EFHD1: variants seen among roughly 807,000 people sequenced by gnomAD.
EFHD1 encodes the protein EF-hand domain-containing protein D1.
EFHD1 carries 10 observed loss-of-function variants against 17.2 expected under a neutral mutation model. That is an observed-to-expected ratio of 0.58 (90% CI 0.36 to 0.99). The LOEUF is 0.99. Ranked by LOEUF, EFHD1 falls within the 50% of genes least tolerant of loss-of-function variation. EFHD1 has a pLI of 0.01. For synonymous variants in EFHD1, 153 were observed against 142.0 expected (o/e 1.08, Z -0.55); for missense variants, 310 against 327.5 (o/e 0.95, Z 0.41).
chr2:232,607,257 C>T (rs1212410002), intron 1 of EFHD1, among the ~76,000 whole-genome samples: 1 of 151,950 alleles, frequency 6.6e-6, no homozygotes. Flanking sequence ...GCCTGGGCAA[C>T]ATAGTGAGAT....
chr2:232,640,471 C>T (rs1245277789), intron 1 of EFHD1, among the ~76,000 whole-genome samples: 3 of 152,148 alleles, frequency 2.0e-5, no homozygotes, highest in Non-Finnish European at 2.9e-5. Context: ...ATGATGATGA[C>T]GATGATCACC....
At chr2:232,642,791 C>T (rs767947479) in intron 1 of EFHD1, among the ~76,000 whole-genome samples, 40 of 151,800 alleles carry the variant, frequency 2.6e-4, no homozygotes, top group Non-Finnish European at 5.7e-4. Context: ...TCCCGAGAGT[C>T]ACCTCCAGCT....
chr2:232,632,455 A>G (rs899535587), upstream of EFHD1, among the ~76,000 whole-genome samples: 5 of 152,246 alleles, frequency 3.3e-5, no homozygotes, highest in African/African-American at 9.6e-5. Context: ...AAGTGGGGAC[A>G]GACCCGTGTT....
rs1695296971 is a variant in EFHD1 at position 232,682,127 on chromosome 2, CT to C, written c.*410del. 1 of 162,496 alleles carries C rather than the reference CT, an allele frequency of 6.2e-6. No individual in the cohort carries two copies. The highest frequency in any genetic ancestry group is 6.4e-5 in the Admixed American group (1 of 15,704). The allele number at this position is 162,496 out of a possible 1,614,324, so 10.1% of individuals were successfully genotyped here. On this transcript the variant is annotated 3_prime_UTR_variant, in exon 4 of 4. Transcript: ENST00000264059. ...GGAGAATTCTCTGCACTCCTCTCTG[CT>C]TCACATTCAACTTCCCTGTTCTCAT...
At chr2:232,618,603 G>A (rs115928764) in intron 1 of EFHD1, among the ~76,000 whole-genome samples, 1 of 151,458 alleles carries the variant, frequency 6.6e-6, no homozygotes, top group Non-Finnish European at 1.5e-5. Context: ...GCATCTTGTA[G>A]TCCCAGCTAC....
At chr2:232,648,112 C>T (rs1341813979) in intron 1 of EFHD1, among the ~76,000 whole-genome samples, 1 of 152,134 alleles carries the variant, frequency 6.6e-6, no homozygotes, top group Non-Finnish European at 1.5e-5. Flanking sequence ...ATAGGAGGTA[C>T]GTACCTGTGG....
At chr2:232,634,827 C>G (rs1694287142) in intron 1 of EFHD1, among the ~76,000 whole-genome samples, 1 of 152,232 alleles carries the variant, frequency 6.6e-6, no homozygotes, top group African/African-American at 2.4e-5. Context: ...GTATTTTGCA[C>G]CCGGTAAGCT....
In EFHD1 at chr2:232,667,773, G is replaced by T. The variant is rs1694995623; in HGVS notation, c.451-4536G>T. Among the ~76,000 whole-genome samples the T allele has an allele frequency of 5.3e-5, 8 of 152,180 alleles. No homozygotes were observed. The South Asian group carries it at 1.7e-3, about 32-fold the overall frequency. On this transcript the variant is annotated intron_variant, in intron 2 of 3. Transcript: ENST00000264059. The stretch of plus-strand genomic sequence containing the variant: ...GGGTTTCACCATGTTGGCCAGGCTG[G>T]TCTCAAACTCCTGACCTCAGGCGAT...
At chr2:232,628,115 C>G (rs1165478573) in intron 1 of EFHD1, among the ~76,000 whole-genome samples, 1 of 152,158 alleles carries the variant, frequency 6.6e-6, no homozygotes, top group Non-Finnish European at 1.5e-5. Flanking sequence ...GGTTGGAGTA[C>G]AGTGACGTGA....
chr2:232,638,162 G>A (rs571860838), intron 1 of EFHD1: 68 of 343,556 alleles, frequency 2.0e-4, no homozygotes, highest in African/African-American at 1.2e-3. Flanking sequence ...TGTATCCGTG[G>A]CTGTAACGTG....
At chr2:232,609,583 T>C (rs777568425) in intron 1 of EFHD1, among the ~76,000 whole-genome samples, 5 of 152,058 alleles carry the variant, frequency 3.3e-5, no homozygotes, top group Non-Finnish European at 7.4e-5. Flanking sequence ...GTAGGAAGGA[T>C]ATCTGTCTTG....
intron 1 of EFHD1, 79 bp downstream of exon 1, chr2:232,634,085 CTGTT>C: frequency 6.4e-7 from 1 of 1,556,002 alleles, no homozygotes; most frequent in Non-Finnish European, 8.6e-7. Flanking sequence ...GTCCCGGGCC[CTGTT>C]TGTGTGGGGA....
intron 1 of EFHD1, among the ~76,000 whole-genome samples, chr2:232,659,109 T>C (rs1001576998): frequency 1.3e-5 from 2 of 151,974 alleles, no homozygotes; most frequent in African/African-American, 4.8e-5. Context: ...ACCTTGCTTG[T>C]TTCCAGATCT....
intron 1 of EFHD1, among the ~76,000 whole-genome samples, chr2:232,617,884 G>GAA: frequency 1.1e-4 from 16 of 149,522 alleles, no homozygotes; most frequent in African/African-American, 3.2e-4. Flanking sequence ...GGGAGGCAGA[G>GAA]GTTACAGTGA....
rs1448591122 is a variant in EFHD1, at chr2:232,682,059, A to G, written c.*340A>G. 1.5e-5 allele frequency: 3 copies of G among 198,380 alleles called. No homozygotes were observed. The highest frequency in any genetic ancestry group is 3.0e-5 in the Non-Finnish European group (3 of 99,282). 12.3% of individuals were successfully genotyped at this position (198,380 alleles called of 1,614,324 possible). A position where few individuals can be genotyped will look rare whatever the true frequency, so the allele number is the denominator to read the frequency against. ...GTCTGCTATATCAATTTGTGTAGAT[A>G]TGTCTGTCTTTTTGGGTCCTCAGAG... On this transcript the variant is annotated 3_prime_UTR_variant, in exon 4 of 4. Transcript: ENST00000264059.
intron 1 of EFHD1, 126 bp downstream of exon 1, chr2:232,634,132 A>T: frequency 1.8e-5 from 26 of 1,452,814 alleles, no homozygotes; most frequent in Non-Finnish European, 2.3e-5. Context: ...ATTTGGCCCA[A>T]CGCAGCCAGA....
rs567808833 is a variant in EFHD1, at chr2:232,619,977, C to G, written c.14+13804C>G. On this transcript the variant is annotated intron_variant, in intron 1 of 3. Coordinates refer to the EFHD1 transcript ENST00000409613. The stretch of plus-strand genomic sequence containing the variant: ...CCAGGGGTATGAGCCACTATCGTAT[C>G]AGCAGGGTCTCACTCCAGATGTGGC... 3.3e-5 allele frequency among the ~76,000 whole-genome samples: 5 copies of G among 152,272 alleles called. No individual in the cohort carries two copies. The South Asian group carries it at 1.0e-3, about 32-fold the overall frequency.
chr2:232,630,583 G>C (rs1694183867), upstream of EFHD1, among the ~76,000 whole-genome samples: 1 of 152,088 alleles, frequency 6.6e-6, no homozygotes, highest in South Asian at 2.1e-4. Flanking sequence ...TTATCTAAAA[G>C]CACTCCCTCA....
chr2:232,627,066 T>C (rs867536300), intron 1 of EFHD1, among the ~76,000 whole-genome samples: 1 of 72,948 alleles, frequency 1.4e-5, no homozygotes, highest in African/African-American at 4.8e-5. Context: ...ATATATATAT[T>C]TTTTTTTTTT....
Sources: allele counts gnomAD v4.1 joint callset (sites outside exome capture counted in the v4.1 genomes callset), GRCh38; gene constraint gnomAD v4.1.1; transcripts MANE v1.5; gene names NCBI Gene and HGNC (gene_info 2026-07-23, HGNC 2026-07-21).